The following KIF13B variants were observed in gnomAD, a reference collection of about 807,000 sequenced individuals.
KIF13B encodes the protein kinesin family member 13B.
KIF13B carries 127 observed loss-of-function variants against 222.0 expected under a neutral mutation model. The observed-to-expected ratio is 0.57, with a 90% CI of 0.50 to 0.66. The LOEUF (loss-of-function observed/expected upper bound fraction) is 0.66. KIF13B is among the 30% of genes least tolerant of loss of function. The pLI is 0.00. For synonymous variants in KIF13B, 976 were observed against 919.0 expected, an observed-to-expected ratio of 1.06 and a Z score of -1.12; for missense variants, 2,173 against 2,379.0, an observed-to-expected ratio of 0.91 and a Z score of 1.80.
chr8:29,072,226 G>A lies in KIF13B; in HGVS notation c.4612C>T (p.Pro1538Ser). ...ICDKPAKVPS[P>S]PPVIAVTAVT... ...GCTGTGACAGCTATGACAGGCGGTG[G>A]GGAAGGCACTTTGGCAGGTTTGTCG... is the stretch of plus-strand genomic sequence containing the variant. Residue 1538 changes from proline to serine, a missense_variant, in exon 39 of 40, where the codon CCA (proline) becomes TCA (serine). Coordinates refer to ENST00000524189, the MANE Select transcript of KIF13B (RefSeq NM_015254.4). The A allele has an allele frequency of 6.8e-7, 1 of 1,471,870 alleles. No individual in the cohort carries two copies. The highest frequency in any genetic ancestry group is 9.0e-7 in the Non-Finnish European group (1 of 1,113,074). The allele number at this position is 1,471,870 out of a possible 1,614,324, so 91.2% of individuals were successfully genotyped here. A position where few individuals can be genotyped will look rare whatever the true frequency, so the allele number is the denominator to read the frequency against.
At chr8:29,236,887 G>A (rs1774342567) in intron 2 of KIF13B, among the ~76,000 whole-genome samples, 1 of 151,596 alleles carries the variant, frequency 6.6e-6, no homozygotes, top group Non-Finnish European at 1.5e-5. Context: ...ATGCACAACA[G>A]AATAACTTTT....
At chr8:29,113,699 G>A in intron 31 of KIF13B, 144 bp from the exon 32 acceptor site, 3 of 658,282 alleles carry the variant, frequency 4.6e-6, no homozygotes, top group Non-Finnish European at 8.0e-6. Flanking sequence ...AAATCACCAA[G>A]TACGGTTTCT....
intron 3 of KIF13B, among the ~76,000 whole-genome samples, chr8:29,195,528 C>T (rs79064399): frequency 0.051 from 7,799 of 152,242 alleles, 280 homozygotes; most frequent in South Asian, 0.1. Context: ...AATTCAGCCA[C>T]GGACTGTAAA....
chr8:29,110,524 T>C (rs1337789179), intron 32 of KIF13B: 1 of 164,452 alleles, frequency 6.1e-6, no homozygotes, highest in Non-Finnish European at 1.3e-5. Context: ...AGGGAGAAGA[T>C]AGTGGACATA....
intron 24 of KIF13B, among the ~76,000 whole-genome samples, chr8:29,129,667 C>T (rs1205746352): frequency 1.3e-5 from 2 of 151,976 alleles, no homozygotes; most frequent in African/African-American, 4.8e-5. Context: ...AATTCCAAAT[C>T]CTGTATACAA....
intron 2 of KIF13B, among the ~76,000 whole-genome samples, chr8:29,208,043 A>G (rs1000730536): frequency 1.3e-5 from 2 of 152,262 alleles, no homozygotes; most frequent in Non-Finnish European, 2.9e-5. Flanking sequence ...TAAGTCAGAT[A>G]TCTCAACATT....
rs148878317 is a variant in KIF13B at position 29,153,223 on chromosome 8, C to T, written c.1535+2503G>A. On this transcript the variant is annotated intron_variant, in intron 14 of 39. Coordinates refer to ENST00000524189, the MANE Select transcript of KIF13B (RefSeq NM_015254.4). ...GGAGTAAAGAGGGAACCATTACAGC[C>T]AATAATGAAAAGATGGTAGCAATAT... 4.8e-3 allele frequency among the ~76,000 whole-genome samples: 737 copies of T among 152,108 alleles called. 4 individuals carry two copies. The highest frequency in any genetic ancestry group is 0.017 in the African/African-American group (703 of 41,488).
In KIF13B at chr8:29,099,236, C is replaced by A; in HGVS notation, c.4221G>T (p.Arg1407=). The A allele has an allele frequency of 6.2e-7, 1 of 1,609,350 alleles. No individual in the cohort carries two copies. The highest frequency in any genetic ancestry group is 8.5e-7 in the Non-Finnish European group (1 of 1,177,478). ...GGGATACATCCTGCTGACTTTCCCA[C>A]CGGCCCTAGTAAAGACAAAATTGGC... ...PSYSLGSNKG[R]WESQQDVSQT... Residue 1407 remains arginine, a synonymous_variant, in exon 36 of 40, where the codon CGG becomes CGT. Transcript: ENST00000524189.
intron 10 of KIF13B, among the ~76,000 whole-genome samples, chr8:29,173,899 C>T (rs1028199173): frequency 2.0e-5 from 3 of 148,912 alleles, no homozygotes; most frequent in Non-Finnish European, 4.4e-5. Flanking sequence ...GCCGAGACTG[C>T]GCCACTACAC....
rs895983610 is a variant in KIF13B, at chr8:29,109,518, A to T, written c.4084-7T>A. ...GTTCCTTCACTGCAACTTCCTGTGAATCAGAAAACATACAGAGGAAAAAGA... is the reference window on the plus strand; with the variant it reads ...GTTCCTTCACTGCAACTTCCTGTGATTCAGAAAACATACAGAGGAAAAAGA... On this transcript the variant is annotated splice_polypyrimidine_tract_variant and splice_region_variant and intron_variant, in intron 33 of 39. Coordinates refer to ENST00000524189, the MANE Select transcript of KIF13B (RefSeq NM_015254.4). 9.3e-6 allele frequency: 15 copies of T among 1,611,916 alleles called. No individual in the cohort carries two copies. Among genetic ancestry groups the T allele is most frequent in the African/African-American group, 1.3e-5 (1 of 74,922 alleles).
Position 29,148,608 on chromosome 8 carries a change from C to T in KIF13B, c.1782G>A (p.Met594Ile). Residue 594 changes from methionine (M) to isoleucine (I), a missense_variant, in exon 16 of 40, where the codon ATG (methionine) becomes ATA (isoleucine). Physicochemically the swap from Met to Ile is conservative, Grantham distance 10 (BLOSUM62 1). Transcript: ENST00000524189. Reference protein sequence around the residue: ...EVNFNYEYAQMEVTMKALGSN... With the variant: ...EVNFNYEYAQIEVTMKALGSN... ...TGCCCAGGGCCTTCATGGTGACCTC[C>T]ATCTGTGCGTATTCGTAATTAAAGT... 1 of 1,611,210 alleles carries T rather than the reference C, an allele frequency of 6.2e-7. No individual in the cohort carries two copies.
At chr8:29,237,242 G>A (rs1815552248) in intron 2 of KIF13B, among the ~76,000 whole-genome samples, 1 of 151,572 alleles carries the variant, frequency 6.6e-6, no homozygotes, top group Non-Finnish European at 1.5e-5. Context: ...GAGACAAAGA[G>A]CGCTAAAAAA....
At chr8:29,099,912 G>C (rs1808712567) in intron 35 of KIF13B, among the ~76,000 whole-genome samples, 1 of 152,112 alleles carries the variant, frequency 6.6e-6, no homozygotes, top group Admixed American at 6.5e-5. Flanking sequence ...TTTGCCTCAA[G>C]ATACCCTTTT....
intron 21 of KIF13B, among the ~76,000 whole-genome samples, chr8:29,134,468 A>C (rs1238736973): frequency 2.6e-5 from 4 of 152,208 alleles, no homozygotes; most frequent in Non-Finnish European, 5.9e-5. Flanking sequence ...AGAACATTTA[A>C]ATGTTAGTTT....
chr8:29,109,604 T>C (rs1809259109), intron 33 of KIF13B, 93 bp from the exon 34 acceptor site: 1 of 977,688 alleles, frequency 1.0e-6, no homozygotes, highest in Non-Finnish European at 1.6e-6. Context: ...CCCCCATCTA[T>C]ACAGACATTC....
At chr8:29,153,183 T>C (rs1811375119) in intron 14 of KIF13B, among the ~76,000 whole-genome samples, 1 of 152,184 alleles carries the variant, frequency 6.6e-6, no homozygotes, top group Non-Finnish European at 1.5e-5. Context: ...CTAAATTTGT[T>C]CCACAGTATA....
At chr8:29,208,022 G>C (rs191604318) in intron 2 of KIF13B, among the ~76,000 whole-genome samples, 226 of 152,324 alleles carry the variant, frequency 1.5e-3, no homozygotes, top group African/African-American at 5.3e-3. Flanking sequence ...TCAAGGAGCT[G>C]ACAATCCAGT....
chr8:29,104,782 C>T (rs1442147272), intron 35 of KIF13B, among the ~76,000 whole-genome samples: 2 of 152,006 alleles, frequency 1.3e-5, no homozygotes, highest in African/African-American at 2.4e-5. Context: ...GTCTCGCTGT[C>T]GCCCAGGCTG....
intron 14 of KIF13B, 55 bp downstream of exon 14, chr8:29,155,671 T>C (rs982777382): frequency 2.6e-5 from 38 of 1,487,070 alleles, no homozygotes; most frequent in Non-Finnish European, 3.2e-5. Flanking sequence ...GCCACTAGAG[T>C]ACTTTCTTCC....
Sources: gnomAD v4.1 joint callset for allele counts (sites outside exome capture counted in the v4.1 genomes callset) on GRCh38, gnomAD v4.1.1 for gene constraint, MANE v1.5 for transcripts, NCBI Gene and HGNC (gene_info 2026-07-23, HGNC 2026-07-21) for gene names.